The following ANO4 variants were observed in gnomAD, a reference collection of about 807,000 sequenced individuals.
ANO4 encodes the protein anoctamin 4.
A neutral mutation model predicts 141.9 loss-of-function variants in ANO4; 69 were observed. The ratio of observed to expected loss-of-function variants is 0.49; its 90% CI spans 0.40 to 0.59. ANO4 has a LOEUF of 0.59. Among genes scored for constraint, ANO4 ranks in the 20% least tolerant of loss-of-function variants. The pLI, the probability that ANO4 is intolerant of heterozygous loss-of-function variation, is 0.00. For missense variants in ANO4, 894 were observed against 1,162.2 expected (o/e 0.77, Z 3.36); for synonymous variants, 350 against 394.3 (o/e 0.89, Z 1.33).
chr12:100,789,352 C>T (rs1483835212), intron 3 of ANO4, among the ~76,000 whole-genome samples: 3 of 152,110 alleles, frequency 2.0e-5, no homozygotes, highest in African/African-American at 7.2e-5. Flanking sequence ...CTTGGAATGA[C>T]ATAAGTGCTG....
chr12:100,890,424 G>A (rs185704768), intron 1 of ANO4, among the ~76,000 whole-genome samples: 19 of 152,216 alleles, frequency 1.2e-4, no homozygotes, highest in Admixed American at 1.0e-3. Flanking sequence ...GAATTCTTGG[G>A]TCCAAAGAGA....
intron 5 of ANO4, among the ~76,000 whole-genome samples, chr12:100,946,199 C>A (rs2042712561): frequency 6.6e-6 from 1 of 152,144 alleles, no homozygotes; most frequent in East Asian, 1.9e-4. Context: ...AGAAATTACA[C>A]CAACAAGGCA....
intron 3 of ANO4, 73 bp from the exon 4 acceptor site, chr12:100,939,242 G>A: frequency 2.1e-6 from 3 of 1,447,290 alleles, no homozygotes; most frequent in Admixed American, 1.9e-5. Flanking sequence ...AAAGGGAGAT[G>A]TTTTCTCTTT....
At chr12:101,051,680 A>G (rs1327254124) in intron 14 of ANO4, among the ~76,000 whole-genome samples, 1 of 152,226 alleles carries the variant, frequency 6.6e-6, no homozygotes, top group Non-Finnish European at 1.5e-5. Context: ...GCTTTTAAAA[A>G]GGTACTGTTC....
chr12:100,756,156 A>G (rs988938891), intron 3 of ANO4, among the ~76,000 whole-genome samples: 8 of 152,152 alleles, frequency 5.3e-5, no homozygotes, highest in African/African-American at 1.7e-4. Flanking sequence ...TATATTATCC[A>G]TCTATACTGC....
intron 21 of ANO4, among the ~76,000 whole-genome samples, chr12:101,098,246 A>G (rs758219742): frequency 6.6e-6 from 1 of 152,216 alleles, no homozygotes; most frequent in Non-Finnish European, 1.5e-5. Flanking sequence ...TTCGGGCTCC[A>G]GCATTGCAAG....
intron 14 of ANO4, among the ~76,000 whole-genome samples, chr12:101,058,228 T>C (rs1466584907): frequency 6.6e-6 from 1 of 152,206 alleles, no homozygotes; most frequent in Non-Finnish European, 1.5e-5. Context: ...TATATGTCTG[T>C]TTTGGTACCA....
At chr12:101,053,181 C>T (rs1477932758) in intron 14 of ANO4, among the ~76,000 whole-genome samples, 1 of 152,108 alleles carries the variant, frequency 6.6e-6, no homozygotes, top group Non-Finnish European at 1.5e-5. Context: ...TAGTCAACTT[C>T]CTGAGGCAAA....
At chr12:100,840,682 T>C (rs976391416) in intron 1 of ANO4, among the ~76,000 whole-genome samples, 2 of 152,196 alleles carry the variant, frequency 1.3e-5, no homozygotes, top group African/African-American at 2.4e-5. Flanking sequence ...GCAGCAATCA[T>C]GAGTTGTTGT....
chr12:100,966,356 C>T (rs916841746), intron 5 of ANO4, among the ~76,000 whole-genome samples: 2 of 151,588 alleles, frequency 1.3e-5, no homozygotes, highest in African/African-American at 4.9e-5. Context: ...AACTGAGGCA[C>T]AGAGAAGTTA....
chr12:100,903,833 C>T (rs2040713091), intron 2 of ANO4, among the ~76,000 whole-genome samples: 1 of 152,212 alleles, frequency 6.6e-6, no homozygotes, highest in African/African-American at 2.4e-5. Context: ...AAAACACCTT[C>T]ATTGCAGCAC....
At position 101,109,337 on chromosome 12, in the gene ANO4, C is replaced by T. The variant is rs539186190; in HGVS notation, c.2150-1067C>T. ...CAGCATTTTGGGAGGCCAAGGCAGG[C>T]GGATCACAAGGTCAGGAGTTTGATA... On this transcript the variant is annotated intron_variant, in intron 22 of 27. Coordinates refer to ENST00000392977, the MANE Select transcript of ANO4 (RefSeq NM_001286615.2). Among the ~76,000 whole-genome samples, 13 of 152,168 alleles carry T rather than the reference C, an allele frequency of 8.5e-5. 1 individual carries two copies. Among genetic ancestry groups the T allele is most frequent in the African/African-American group, 2.4e-4 (10 of 41,528 alleles).
intron 3 of ANO4, among the ~76,000 whole-genome samples, chr12:100,786,118 T>C (rs2033866771): frequency 6.6e-6 from 1 of 152,152 alleles, no homozygotes; most frequent in African/African-American, 2.4e-5. Context: ...AGCACTGATA[T>C]TAGAGTTCAT....
At chr12:100,787,822 G>A (rs946360812) in intron 3 of ANO4, among the ~76,000 whole-genome samples, 4 of 152,128 alleles carry the variant, frequency 2.6e-5, no homozygotes, top group African/African-American at 7.2e-5. Flanking sequence ...AGTAGATAGC[G>A]ATGCATTTAC....
intron 24 of ANO4, among the ~76,000 whole-genome samples, chr12:101,116,170 A>C (rs1413420588): frequency 6.6e-6 from 1 of 152,196 alleles, no homozygotes; most frequent in African/African-American, 2.4e-5. Flanking sequence ...GAATTCTAAC[A>C]GAAAAGATAA....
chr12:100,963,274 T>G (rs2043502851), intron 5 of ANO4, among the ~76,000 whole-genome samples: 1 of 152,096 alleles, frequency 6.6e-6, no homozygotes, highest in Non-Finnish European at 1.5e-5. Flanking sequence ...GATGAGATCA[T>G]CTAGGGAGGA....
chr12:100,770,823 TTTGA>T (rs1225277338), intron 3 of ANO4, among the ~76,000 whole-genome samples: 1 of 149,122 alleles, frequency 6.7e-6, no homozygotes, highest in Non-Finnish European at 1.5e-5. Context: ...CTGTATCTAC[TTTGA>T]TTGTAGGATC....
At position 100,987,560 on chromosome 12, in the gene ANO4, G is replaced by T. The variant is rs150616124; in HGVS notation, c.624G>T (p.Arg208Ser). ...FMSRIDKQIS[R>S]FRRWLPKKPM... The stretch of plus-strand genomic sequence containing the variant: ...ACAGGATCGATAAACAAATAAGCAG[G>T]TTTCGGAGATGGTTACCTAAGAAGC... Residue 208 changes from arginine (R) to serine (S), a missense_variant, in exon 8 of 28, where the codon AGG becomes AGT. Coordinates refer to ENST00000392977, the MANE Select transcript of ANO4 (RefSeq NM_001286615.2). 1.0e-4 allele frequency: 169 copies of T among 1,613,986 alleles called. No individual in the cohort carries two copies. The highest frequency in any genetic ancestry group is 2.2e-4 in the South Asian group (20 of 91,074).
chr12:100,807,493 A>C (rs1324071439), intron 1 of ANO4, among the ~76,000 whole-genome samples: 1 of 152,116 alleles, frequency 6.6e-6, no homozygotes, highest in Non-Finnish European at 1.5e-5. Flanking sequence ...AACTTTAGAA[A>C]TTGTCTCATT....
Sources: gnomAD v4.1 joint callset for allele counts (sites outside exome capture counted in the v4.1 genomes callset) on GRCh38, gnomAD v4.1.1 for gene constraint, MANE v1.5 for transcripts, NCBI Gene and HGNC (gene_info 2026-07-23, HGNC 2026-07-21) for gene names.